Variants in DHRS3 observed in about 807,000 individuals in gnomAD.
DHRS3 encodes the protein dehydrogenase/reductase 3.
DHRS3 carries 14 observed loss-of-function variants against 27.2 expected under a neutral mutation model. The ratio of observed to expected loss-of-function variants is 0.52; its 90% CI spans 0.34 to 0.81. DHRS3 has a LOEUF of 0.81. DHRS3 is among the 30% of genes least tolerant of loss of function. The pLI is 0.01. For synonymous variants in DHRS3, 165 were observed against 175.9 expected (o/e 0.94, Z 0.49); for missense variants, 322 against 406.2 (o/e 0.79, Z 1.78).
intron 1 of DHRS3, among the ~76,000 whole-genome samples, chr1:12,605,155 C>T (rs1401133915): frequency 6.6e-6 from 1 of 151,344 alleles, no homozygotes; most frequent in Non-Finnish European, 1.5e-5. Flanking sequence ...AGTACCAAGT[C>T]ACGTGTGTTA....
chr1:12,590,131 C>T (rs770991895), intron 1 of DHRS3, among the ~76,000 whole-genome samples: 4 of 151,646 alleles, frequency 2.6e-5, no homozygotes, highest in South Asian at 4.1e-4. Flanking sequence ...GAGCAAGCTG[C>T]GGGGGGATTT....
At chr1:12,611,699 G>T (rs766621591) in intron 1 of DHRS3, among the ~76,000 whole-genome samples, 4 of 152,024 alleles carry the variant, frequency 2.6e-5, no homozygotes, top group Non-Finnish European at 4.4e-5. Flanking sequence ...GAGAATTTTT[G>T]AGCGTGCCGG....
At chr1:12,572,368 C>T (rs1418200177) in intron 5 of DHRS3, among the ~76,000 whole-genome samples, 3 of 152,120 alleles carry the variant, frequency 2.0e-5, no homozygotes, top group Non-Finnish European at 2.9e-5. Context: ...GACAAGGTTT[C>T]GCCATTTTAG....
At position 12,617,484 on chromosome 1, in the gene DHRS3, A is replaced by G. The variant is rs1451418326; in HGVS notation, c.-136T>C. 2.0e-6 allele frequency: 1 copy of G among 502,654 alleles called. No individual in the cohort carries two copies. The highest frequency in any genetic ancestry group is 2.2e-5 in the African/African-American group (1 of 44,718). 31.1% of individuals were successfully genotyped at this position (502,654 alleles called of 1,614,324 possible). On this transcript the variant is annotated 5_prime_UTR_variant, in exon 1 of 6. Transcript: ENST00000616661. ...GTCCCACCTGGCCACTCTTGAAATC[A>G]CCTCTTCCCAAATGCAAAGCACCGG...
chr1:12,571,874 T>G (rs943891319), intron 5 of DHRS3, among the ~76,000 whole-genome samples: 3 of 152,158 alleles, frequency 2.0e-5, no homozygotes, highest in Non-Finnish European at 4.4e-5. Context: ...ATTTGTCTTT[T>G]CACTTTCATT....
intron 1 of DHRS3, among the ~76,000 whole-genome samples, chr1:12,612,004 G>C (rs1398039442): frequency 6.6e-6 from 1 of 151,528 alleles, no homozygotes; most frequent in Non-Finnish European, 1.5e-5. Flanking sequence ...AAGACTGCAG[G>C]GGGGCGTGGT....
intron 1 of DHRS3, among the ~76,000 whole-genome samples, chr1:12,614,071 A>G (rs902603286): frequency 1.5e-4 from 23 of 152,046 alleles, no homozygotes; most frequent in African/African-American, 5.6e-4. Context: ...GCTCCCAGCC[A>G]AGGTCCTGGA....
chr1:12,576,045 G>A (rs1646583969), intron 4 of DHRS3, among the ~76,000 whole-genome samples: 1 of 152,084 alleles, frequency 6.6e-6, no homozygotes, highest in Non-Finnish European at 1.5e-5. Flanking sequence ...TAGAGGTGAG[G>A]AAACTGAAGC....
Position 12,586,693 on chromosome 1 carries a change from G to T in DHRS3, c.196-6027C>A, listed in dbSNP as rs1646699463. ...GCCATATCATAATTTTAAAGATAAG[G>T]AAACTGCAGTTCAGAGAGGCTAAGC... On this transcript the variant is annotated intron_variant, in intron 1 of 5. Transcript: ENST00000616661. This position sits in a 1 kb window ranked among gnomAD's most constrained non-coding sequence, Gnocchi z 5.0. 6.6e-6 allele frequency among the ~76,000 whole-genome samples: 1 copy of T among 152,186 alleles called. No individual in the cohort carries two copies. Among genetic ancestry groups the T allele is most frequent in the East Asian group, 1.9e-4 (1 of 5,200 alleles).
chr1:12,589,501 G>C, intron 1 of DHRS3, among the ~76,000 whole-genome samples: 1 of 150,410 alleles, frequency 6.6e-6, no homozygotes, highest in East Asian at 2.0e-4. Flanking sequence ...CGATTCTCCT[G>C]CCTCAGCCTC....
At chr1:12,579,495 A>G in intron 2 of DHRS3, 83 bp from the exon 3 acceptor site, 1 of 1,542,366 alleles carries the variant, frequency 6.5e-7, no homozygotes. Context: ...TTTGTTTTTG[A>G]GATGGAGTCT....
intron 1 of DHRS3, among the ~76,000 whole-genome samples, chr1:12,581,252 G>A (rs1411737676): frequency 2.6e-5 from 4 of 152,222 alleles, no homozygotes; most frequent in Non-Finnish European, 5.9e-5. Flanking sequence ...TTAGCAGGCT[G>A]CCTCCTGCCA....
chr1:12,573,788 CAAT>C (rs1352876138), intron 4 of DHRS3, among the ~76,000 whole-genome samples: 1 of 152,234 alleles, frequency 6.6e-6, no homozygotes, highest in Non-Finnish European at 1.5e-5. Context: ...TAGATCCAAA[CAAT>C]GATGATGTTC....
rs886614813 is a variant in DHRS3, at chr1:12,593,821, G to A, written c.196-13155C>T. On this transcript the variant is annotated intron_variant, in intron 1 of 5. Transcript: ENST00000616661. The surrounding 1 kb of genome is among the most constrained non-coding windows in gnomAD (Gnocchi z 4.6). ...CACTCAGAAAACTCTCCAGGGAAAC[G>A]ATCACAAAAGCTGACTCTGGGCAGG... Among the ~76,000 whole-genome samples, 4 of 152,138 alleles carry A rather than the reference G, an allele frequency of 2.6e-5. No individual in the cohort carries two copies. The East Asian group carries it at 5.8e-4, about 22-fold the overall frequency.
At chr1:12,600,631 G>A (rs1646829377) in intron 1 of DHRS3, among the ~76,000 whole-genome samples, 1 of 152,156 alleles carries the variant, frequency 6.6e-6, no homozygotes, top group Admixed American at 6.5e-5. Flanking sequence ...CTGCTTGCTG[G>A]GCTGTGGGAG....
chr1:12,592,458 G>T lies in DHRS3; in HGVS notation c.196-11792C>A, dbSNP rs1015706234. ...AAAGACATACACAGAGGAGAGGAAG[G>T]CCGCGTGAAGATGGAAGCAGAGACG... On this transcript the variant is annotated intron_variant, in intron 1 of 5. Coordinates refer to ENST00000616661, the MANE Select transcript of DHRS3 (RefSeq NM_004753.7). This position sits in a 1 kb window ranked among gnomAD's most constrained non-coding sequence, Gnocchi z 4.2. Among the ~76,000 whole-genome samples the T allele has an allele frequency of 1.4e-4, 22 of 152,176 alleles. No individual in the cohort carries two copies. The highest frequency in any genetic ancestry group is 4.6e-4 in the African/African-American group (19 of 41,438).
intron 1 of DHRS3, among the ~76,000 whole-genome samples, chr1:12,610,307 G>T (rs796905023): frequency 6.3e-4 from 96 of 151,608 alleles, no homozygotes; most frequent in African/African-American, 2.2e-3. Context: ...GGTCAAGCTG[G>T]TCTTGAACTC....
At position 12,617,207 on chromosome 1, in the gene DHRS3, TC is replaced by T; in HGVS notation, c.141del (p.Arg48GlufsTer29). ...SRENVLITGGGRGIGRQLARE... is the reference protein window; with the variant it reads ...SRENVLITGGXRGIGRQLARE... ...CGGGCGAGCTGACGCCCGATGCCTC[TC>T]CCGCCGCCGGTGATGAGGACGTTCT... is the stretch of plus-strand genomic sequence containing the variant. On this transcript the variant is annotated frameshift_variant, in exon 1 of 6. Transcript: ENST00000616661. LOFTEE classifies it high-confidence loss of function. 1 of 1,613,306 alleles carries T rather than the reference TC, an allele frequency of 6.2e-7. No individual in the cohort carries two copies. The highest frequency in any genetic ancestry group is 8.5e-7 in the Non-Finnish European group (1 of 1,179,882).
At position 12,569,225 on chromosome 1, in the gene DHRS3, T is replaced by TCACACACACACA. The variant is rs1557509277; in HGVS notation, c.825-802_825-801insTGTGTGTGTGTG. ...AGAGTAAAACTCTGTCCCCTCTCTCTCTCTCTCACACACACACACACACAC... is the reference window on the plus strand; with the variant it reads ...AGAGTAAAACTCTGTCCCCTCTCTCTCACACACACACACTCTCTCACACACACACACACACAC... On this transcript the variant is annotated intron_variant, in intron 5 of 5. Coordinates refer to ENST00000616661, the MANE Select transcript of DHRS3 (RefSeq NM_004753.7). Among the ~76,000 whole-genome samples the TCACACACACACA allele has an allele frequency of 6.3e-4, 74 of 118,024 alleles. 1 individual carries two copies. Among genetic ancestry groups the TCACACACACACA allele is most frequent in the African/African-American group, 2.7e-3 (70 of 25,500 alleles). 77.4% of individuals were successfully genotyped at this position (118,024 alleles called of 152,430 possible).
Sources: allele counts gnomAD v4.1 joint callset (sites outside exome capture counted in the v4.1 genomes callset), GRCh38; gene constraint gnomAD v4.1.1; non-coding constraint Gnocchi (gnomAD v3.1); transcripts MANE v1.5; gene names NCBI Gene and HGNC (gene_info 2026-07-23, HGNC 2026-07-21).